Variants in SOX6 observed in about 807,000 individuals in gnomAD.
SOX6 encodes the protein SRY-box transcription factor 6.
In SOX6, 11 loss-of-function variants were observed where a neutral mutation model predicts 97.8. That is an observed-to-expected ratio of 0.11 (90% CI 0.07 to 0.19). SOX6 has a LOEUF of 0.19. Among genes scored for constraint, SOX6 ranks in the 10% least tolerant of loss-of-function variants. The pLI is 1.00. For synonymous variants in SOX6, 360 were observed against 371.4 expected, an observed-to-expected ratio of 0.97 and a Z score of 0.35; for missense variants, 810 against 1,039.5, an observed-to-expected ratio of 0.78 and a Z score of 3.04.
chr11:16,397,077 A>G (rs1449693568), intron 1 of SOX6, among the ~76,000 whole-genome samples: 1 of 151,360 alleles, frequency 6.6e-6, no homozygotes, highest in Admixed American at 6.6e-5. Context: ...AATACCTAAG[A>G]ACCCAGAACT....
At chr11:16,412,326 C>A (rs1350721321) in intron 1 of SOX6, among the ~76,000 whole-genome samples, 6 of 152,166 alleles carry the variant, frequency 3.9e-5, no homozygotes, top group Non-Finnish European at 8.8e-5. Context: ...TTAGGTGAGA[C>A]AATGGACATT....
At chr11:16,273,374 C>T (rs1257775294) in intron 3 of SOX6, among the ~76,000 whole-genome samples, 2 of 151,836 alleles carry the variant, frequency 1.3e-5, no homozygotes, top group African/African-American at 4.8e-5. Flanking sequence ...GGAAAGTGAA[C>T]CACAGGGCTA....
chr11:15,993,727 ATC>A (rs1854131606), intron 13 of SOX6, among the ~76,000 whole-genome samples: 1 of 152,212 alleles, frequency 6.6e-6, no homozygotes, highest in Non-Finnish European at 1.5e-5. Flanking sequence ...AAGATAGTTA[ATC>A]TGCAGAGAGA....
chr11:16,648,155 G>C (rs180947103), intron 3 of SOX6, among the ~76,000 whole-genome samples: 1 of 152,228 alleles, frequency 6.6e-6, no homozygotes, highest in East Asian at 1.9e-4. Context: ...CTCATGGCCT[G>C]GGGTAAGGTT....
rs561468932 is a variant in SOX6, at chr11:16,613,995, C to A, written n.430-1735G>T. Among the ~76,000 whole-genome samples the A allele has an allele frequency of 1.2e-4, 18 of 152,246 alleles. No individual in the cohort carries two copies. Among genetic ancestry groups the A allele is most frequent in the African/African-American group, 4.3e-4 (18 of 41,546 alleles). On this transcript the variant is annotated intron_variant and non_coding_transcript_variant, in intron 3 of 5. Transcript: ENST00000524520. The surrounding 1 kb of genome is among the most constrained non-coding windows in gnomAD (Gnocchi z 4.6). ...TAGGCGCCGTCTGCCCTCAGAGACT[C>A]GGGCTGACAGGAGTGAGAGCTAAAA... is the stretch of plus-strand genomic sequence containing the variant.
At chr11:16,611,616 C>A (rs1392087861) in intron 4 of SOX6, among the ~76,000 whole-genome samples, 1 of 152,168 alleles carries the variant, frequency 6.6e-6, no homozygotes, top group Non-Finnish European at 1.5e-5. Context: ...TTGAAGTAAC[C>A]AAATAACCTG....
intron 4 of SOX6, among the ~76,000 whole-genome samples, chr11:16,569,534 A>G (rs1002244297): frequency 2.6e-5 from 4 of 152,166 alleles, no homozygotes; most frequent in African/African-American, 9.7e-5. Context: ...TAAGAAGACC[A>G]TCCCTTTAAC....
chr11:16,181,156 C>T (rs1851336357), intron 6 of SOX6, among the ~76,000 whole-genome samples: 1 of 151,526 alleles, frequency 6.6e-6, no homozygotes, highest in Admixed American at 6.6e-5. Context: ...AATGCAACCA[C>T]CTCATACTCA....
chr11:16,081,212 A>G (rs1848465692), intron 9 of SOX6, among the ~76,000 whole-genome samples: 1 of 152,114 alleles, frequency 6.6e-6, no homozygotes, highest in Non-Finnish European at 1.5e-5. Context: ...CTTTCAGCCC[A>G]TTCTTTTGGA....
intron 6 of SOX6, among the ~76,000 whole-genome samples, chr11:16,147,003 G>T (rs1335446358): frequency 6.6e-6 from 1 of 152,150 alleles, no homozygotes; most frequent in African/African-American, 2.4e-5. Context: ...CCATTACTGG[G>T]TATATACCCA....
intron 3 of SOX6, among the ~76,000 whole-genome samples, chr11:16,245,690 CCTT>C (rs1329536443): frequency 6.6e-6 from 1 of 151,474 alleles, no homozygotes; most frequent in Non-Finnish European, 1.5e-5. Context: ...TATGAAATGT[CCTT>C]CTTTATCTCT....
chr11:16,145,004 G>C (rs964712539), intron 6 of SOX6, among the ~76,000 whole-genome samples: 4 of 152,140 alleles, frequency 2.6e-5, no homozygotes, highest in Non-Finnish European at 5.9e-5. Context: ...ATTTTATGAG[G>C]CCAGCATCAT....
At chr11:16,202,124 G>C (rs1162168249) in intron 4 of SOX6, among the ~76,000 whole-genome samples, 1 of 151,886 alleles carries the variant, frequency 6.6e-6, no homozygotes, top group Non-Finnish European at 1.5e-5. Flanking sequence ...AAAAATGAGA[G>C]TATTAAAATA....
chr11:16,465,101 C>A (rs1449402831), intron 1 of SOX6, among the ~76,000 whole-genome samples: 1 of 152,140 alleles, frequency 6.6e-6, no homozygotes, highest in Non-Finnish European at 1.5e-5. Flanking sequence ...TGTTCAACCA[C>A]ATTGTCTCAA....
intron 6 of SOX6, among the ~76,000 whole-genome samples, chr11:16,170,714 C>G (rs1027441910): frequency 2.6e-5 from 4 of 152,020 alleles, no homozygotes; most frequent in Non-Finnish European, 5.9e-5. Flanking sequence ...ATTAAAACTA[C>G]TGCGTAACAG....
At chr11:16,165,081 T>C (rs1850852057) in intron 6 of SOX6, among the ~76,000 whole-genome samples, 6 of 152,196 alleles carry the variant, frequency 3.9e-5, no homozygotes, top group Admixed American at 3.9e-4. Flanking sequence ...TGATTTTCAG[T>C]ATATTTTCTC....
At chr11:16,506,890 C>G (rs1216818853) in intron 4 of SOX6, among the ~76,000 whole-genome samples, 1 of 151,962 alleles carries the variant, frequency 6.6e-6, no homozygotes, top group Non-Finnish European at 1.5e-5. Context: ...ATGGTGAAAC[C>G]CTGTCTCTAC....
intron 4 of SOX6, among the ~76,000 whole-genome samples, chr11:16,566,598 G>C (rs976725018): frequency 6.6e-6 from 1 of 152,216 alleles, no homozygotes; most frequent in Non-Finnish European, 1.5e-5. Flanking sequence ...GAGATCCCCA[G>C]CTCTTTACCG....
chr11:16,236,212 C>G lies in SOX6; in HGVS notation c.446-1541G>C, dbSNP rs527628108. Among the ~76,000 whole-genome samples, 5 of 152,116 alleles carry G rather than the reference C, an allele frequency of 3.3e-5. No homozygotes were observed. The East Asian group carries it at 7.7e-4, about 23-fold the overall frequency. The stretch of plus-strand genomic sequence containing the variant: ...GATTCTGAGTGATGTTCCAATGGAG[C>G]CTACATGCAGATGCATATGTTCGGG... On this transcript the variant is annotated intron_variant, in intron 3 of 15. Coordinates refer to ENST00000683767, the MANE Select transcript of SOX6 (RefSeq NM_001367873.1).
Sources: allele counts gnomAD v4.1 joint callset (sites outside exome capture counted in the v4.1 genomes callset), GRCh38; gene constraint gnomAD v4.1.1; non-coding constraint Gnocchi (gnomAD v3.1); transcripts MANE v1.5; gene names NCBI Gene and HGNC (gene_info 2026-07-23, HGNC 2026-07-21).